Variants in MUC17 observed in about 807,000 individuals in gnomAD.
MUC17 encodes the protein mucin 17, cell surface associated, also known as mucin-17.
MUC17 carries 190 observed loss-of-function variants against 170.3 expected under a neutral mutation model. That is an observed-to-expected ratio of 1.12 (90% CI 0.99 to 1.26). MUC17 has a LOEUF of 1.26. Ranked by LOEUF, MUC17 falls within the 50% of genes most tolerant of loss-of-function variation. The pLI is 0.00. For missense variants in MUC17, 6,415 were observed against 5,530.0 expected (o/e 1.16, Z -5.08); for synonymous variants, 2,325 against 2,002.5 (o/e 1.16, Z -4.30).
intron 11 of MUC17, 102 bp from the exon 12 acceptor site, chr7:101,056,092 G>C (rs987111842): frequency 6.5e-7 from 1 of 1,535,026 alleles, no homozygotes; most frequent in Non-Finnish European, 8.9e-7. Flanking sequence ...CCTAGGGGTA[G>C]AGAAAAACTG....
At position 101,043,349 on chromosome 7, in the gene MUC17, G is replaced by A; in HGVS notation, c.11933G>A (p.Ser3978Asn). 2.5e-6 allele frequency: 4 copies of A among 1,614,140 alleles called. No individual in the cohort carries two copies. Among genetic ancestry groups the A allele is most frequent in the Non-Finnish European group, 3.4e-6 (4 of 1,180,034 alleles). The change falls in exon 3 of 13, where the codon AGT becomes AAT. Residue 3978 changes from serine to asparagine, a missense_variant. Coordinates refer to ENST00000306151, the MANE Select transcript of MUC17 (RefSeq NM_001040105.2). The part of the protein sequence containing the change: ...STELNTPSTS[S>N]SSTTTSFSTT... ...GAACTAAACACACCATCAACCTCCA[G>A]TAGTAGTACCACCACATCTTTTTCA... is the stretch of plus-strand genomic sequence containing the variant.
chr7:101,030,682 C>T (rs1794262719), intron 1 of MUC17, among the ~76,000 whole-genome samples: 1 of 152,182 alleles, frequency 6.6e-6, no homozygotes, highest in African/African-American at 2.4e-5. Flanking sequence ...GATCCTCCTG[C>T]CTCAGCCTCC....
At chr7:101,049,013 C>G (rs1048337762) in intron 5 of MUC17, 41 bp downstream of exon 5, 20 of 1,613,316 alleles carry the variant, frequency 1.2e-5, no homozygotes, top group Non-Finnish European at 1.4e-5. Context: ...ACTCAGTTCC[C>G]CCCAGAGCAG....
Position 101,036,918 on chromosome 7 carries a change from C to T in MUC17, c.5502C>T (p.Asp1834=), listed in dbSNP as rs1794502218. 2 of 1,612,670 alleles carry T rather than the reference C, an allele frequency of 1.2e-6. No homozygotes were observed. Among genetic ancestry groups the T allele is most frequent in the Non-Finnish European group, 1.7e-6 (2 of 1,179,156 alleles). The change falls in exon 3 of 13, where the codon GAC becomes GAT. Residue 1834 remains aspartate (D), a synonymous_variant. Transcript: ENST00000306151. ...EASTLSTTPV[D]SNSPVVTSTA... The stretch of plus-strand genomic sequence containing the variant: ...GCACCCTTTCAACAACTCCTGTTGA[C>T]TCTAACAGTCCTGTGGTCACTTCTA...
At chr7:101,030,637 T>C (rs2116402525) in intron 1 of MUC17, among the ~76,000 whole-genome samples, 1 of 152,328 alleles carries the variant, frequency 6.6e-6, no homozygotes, top group African/African-American at 2.4e-5. Flanking sequence ...GGTGCCATCA[T>C]AGCTCATTAT....
Position 101,031,793 on chromosome 7 carries a change from C to T in MUC17, c.377C>T (p.Thr126Ile), listed in dbSNP as rs774224446. The change falls in exon 3 of 13, where the codon ACC becomes ATC. Residue 126 changes from threonine to isoleucine, a missense_variant. Coordinates refer to ENST00000306151, the MANE Select transcript of MUC17 (RefSeq NM_001040105.2). The stretch of plus-strand genomic sequence containing the variant: ...ACTTCAGAATCTACCAGTGACAGCA[C>T]CACACTTTTCCCCAGTTCTACTGAA... ...RTTSESTSDS[T>I]TLFPSSTEDT... 5.6e-6 allele frequency: 9 copies of T among 1,608,872 alleles called. No individual in the cohort carries two copies. Among genetic ancestry groups the T allele is most frequent in the South Asian group, 1.1e-5 (1 of 90,978 alleles).
intron 3 of MUC17, among the ~76,000 whole-genome samples, chr7:101,045,347 C>G (rs1484167910): frequency 1.3e-5 from 2 of 151,756 alleles, no homozygotes; most frequent in African/African-American, 2.4e-5. Context: ...GATTTTTTTC[C>G]TTTGCTGAAT....
rs1215285478 is a variant in MUC17 at position 101,032,976 on chromosome 7, C to T, written c.1560C>T (p.Thr520=). 10 of 1,613,960 alleles carry T rather than the reference C, an allele frequency of 6.2e-6. No individual in the cohort carries two copies. The highest frequency in any genetic ancestry group is 7.6e-6 in the Non-Finnish European group (9 of 1,180,008). ...CATTAACAAGTATGTCTGTCAGCAC[C>T]ATGCCGGTGGCCAGTTCTGAGGCTA... ...STPLTSMSVS[T]MPVASSEAST... The change falls in exon 3 of 13, where the codon ACC becomes ACT. Residue 520 remains threonine (T), a synonymous_variant. Coordinates refer to ENST00000306151, the MANE Select transcript of MUC17 (RefSeq NM_001040105.2).
chr7:101,042,113 T>C lies in MUC17; in HGVS notation c.10697T>C (p.Met3566Thr). The C allele has an allele frequency of 1.2e-6, 2 of 1,614,184 alleles. No homozygotes were observed. The highest frequency in any genetic ancestry group is 1.7e-6 in the Non-Finnish European group (2 of 1,180,020). Residue 3566 changes from methionine to threonine, a missense_variant, in exon 3 of 13, where the codon ATG becomes ACG. Transcript: ENST00000306151. ...SSPATLQVTT[M>T]RMSTPSEGSS... Reference sequence around the variant, plus strand: ...CCAGCAACTCTTCAGGTCACCACTATGCGTATGTCTACTCCAAGTGAAGGA... The same window carrying C: ...CCAGCAACTCTTCAGGTCACCACTACGCGTATGTCTACTCCAAGTGAAGGA...
intron 1 of MUC17, among the ~76,000 whole-genome samples, chr7:101,027,361 G>A (rs902966750): frequency 6.6e-6 from 1 of 151,916 alleles, no homozygotes; most frequent in Admixed American, 6.6e-5. Context: ...CGAACTCCTG[G>A]TCTCAAGTGA....
intron 11 of MUC17, among the ~76,000 whole-genome samples, chr7:101,053,890 A>G (rs4395825): frequency 0.43 from 63,323 of 148,908 alleles, 14,304 homozygotes; most frequent in Non-Finnish European, 0.51. Context: ...CAAAAAAAAA[A>G]AAAAGAAAAA....
intron 1 of MUC17, among the ~76,000 whole-genome samples, chr7:101,022,190 G>A (rs1439411246): frequency 4.1e-5 from 6 of 145,400 alleles, no homozygotes; most frequent in Non-Finnish European, 9.0e-5. Context: ...TTTTTGAGGA[G>A]GAGTCTCAGT....
At chr7:101,021,571 T>C (rs1280245258) in intron 1 of MUC17, among the ~76,000 whole-genome samples, 1 of 151,994 alleles carries the variant, frequency 6.6e-6, no homozygotes, top group South Asian at 2.1e-4. Context: ...CTCTTTCTTC[T>C]TCTCCCCACC....
chr7:101,038,898 T>A lies in MUC17; in HGVS notation c.7482T>A (p.Ser2494Arg). Residue 2494 changes from serine (S) to arginine (R), a missense_variant, in exon 3 of 13, where the codon AGT (serine) becomes AGA (arginine). Physicochemically the swap from Ser to Arg is moderately radical, Grantham distance 110 (BLOSUM62 -1). Coordinates refer to ENST00000306151, the MANE Select transcript of MUC17 (RefSeq NM_001040105.2). ...STPMTTSTEA[S>R]SSPTTAEDIV... ...CTATGACCACTTCTACTGAAGCCAG[T>A]TCATCTCCTACAACTGCTGAAGATA... 6.2e-7 allele frequency: 1 copy of A among 1,613,958 alleles called. No homozygotes were observed. Among genetic ancestry groups the A allele is most frequent in the Non-Finnish European group, 8.5e-7 (1 of 1,179,978 alleles).
At chr7:101,057,644 T>A (rs986108959) in intron 12 of MUC17, among the ~76,000 whole-genome samples, 1 of 151,610 alleles carries the variant, frequency 6.6e-6, no homozygotes, top group African/African-American at 2.4e-5. Context: ...CTTGGGGAGG[T>A]CGAAGTGGAT....
Position 101,034,114 on chromosome 7 carries a change from A to C in MUC17, c.2698A>C (p.Thr900Pro), listed in dbSNP as rs1489421845. 6.3e-7 allele frequency: 1 copy of C among 1,584,472 alleles called. No individual in the cohort carries two copies. The highest frequency in any genetic ancestry group is 8.6e-7 in the Non-Finnish European group (1 of 1,164,666). ...VDTSTPVTNS[T>P]EARSSPTTSE... ...CACCAGCACACCTGTGACCAATTCT[A>C]CTGAAGCCCGTTCGTCTCCTACAAC... Residue 900 changes from threonine (T) to proline (P), a missense_variant, in exon 3 of 13, where the codon ACT (threonine) becomes CCT (proline). Thr to Pro is a conservative substitution (Grantham distance 38). Coordinates refer to ENST00000306151, the MANE Select transcript of MUC17 (RefSeq NM_001040105.2).
At chr7:101,051,717 G>A (rs1341166585) in intron 8 of MUC17, 36 bp downstream of exon 8, 3 of 1,607,914 alleles carry the variant, frequency 1.9e-6, no homozygotes, top group Non-Finnish European at 2.6e-6. Flanking sequence ...GGGAAGGCTG[G>A]AGAGGTGGGG....
At position 101,032,783 on chromosome 7, in the gene MUC17, G is replaced by C. The variant is rs752071389; in HGVS notation, c.1367G>C (p.Ser456Thr). Reference sequence around the variant, plus strand: ...AGTGAAGGAAGCACTCCATTAACAAGTATGCCTGTCAGCACCACTCCAGTG... The same window carrying C: ...AGTGAAGGAAGCACTCCATTAACAACTATGCCTGTCAGCACCACTCCAGTG... ...TPSEGSTPLT[S>T]MPVSTTPVAS... The change falls in exon 3 of 13, where the codon AGT becomes ACT. Residue 456 changes from serine to threonine, a missense_variant. Physicochemically the swap from Ser to Thr is moderately conservative, Grantham distance 58. Transcript: ENST00000306151. The C allele has an allele frequency of 3.7e-6, 6 of 1,610,614 alleles. No homozygotes were observed. The Admixed American group carries it at 6.7e-5, about 18-fold the overall frequency.
At chr7:101,027,420 A>G (rs1017573642) in intron 1 of MUC17, among the ~76,000 whole-genome samples, 61 of 152,206 alleles carry the variant, frequency 4.0e-4, no homozygotes, top group African/African-American at 1.5e-3. Context: ...AGCATGAACC[A>G]CCATGCCTGG....
Sources: allele counts gnomAD v4.1 joint callset (sites outside exome capture counted in the v4.1 genomes callset), GRCh38; gene constraint gnomAD v4.1.1; transcripts MANE v1.5; gene names NCBI Gene and HGNC (gene_info 2026-07-23, HGNC 2026-07-21).